The following EPHA3 variants were observed in gnomAD, a reference collection of about 807,000 sequenced individuals.
EPHA3 encodes the protein ephrin type-A receptor 3.
A neutral mutation model predicts 107.1 loss-of-function variants in EPHA3; 42 were observed. The ratio of observed to expected loss-of-function variants is 0.39; its 90% CI spans 0.31 to 0.51. The LOEUF is 0.51. EPHA3 is among the 20% of genes least tolerant of loss of function. The pLI is 0.78. For synonymous variants in EPHA3, 461 were observed against 424.8 expected, an observed-to-expected ratio of 1.09 and a Z score of -1.05; for missense variants, 1,183 against 1,211.2, an observed-to-expected ratio of 0.98 and a Z score of 0.35.
chr3:89,369,227 T>A (rs1708244287), intron 5 of EPHA3, among the ~76,000 whole-genome samples: 1 of 150,936 alleles, frequency 6.6e-6, no homozygotes, highest in Non-Finnish European at 1.5e-5. Flanking sequence ...GCTGGAGCCA[T>A]CAGGCTACCT....
intron 3 of EPHA3, among the ~76,000 whole-genome samples, chr3:89,302,562 T>C (rs765057472): frequency 7.2e-5 from 11 of 152,096 alleles, no homozygotes; most frequent in Non-Finnish European, 1.3e-4. Context: ...GTGAAAGATA[T>C]TGTATGTGAA....
At chr3:89,453,820 A>G (rs990179645) in intron 15 of EPHA3, among the ~76,000 whole-genome samples, 2 of 152,146 alleles carry the variant, frequency 1.3e-5, no homozygotes, top group Non-Finnish European at 2.9e-5. Flanking sequence ...TTAGATGGGA[A>G]CTTCCCACAG....
At chr3:89,366,010 G>T (rs1388524301) in intron 5 of EPHA3, among the ~76,000 whole-genome samples, 1 of 150,550 alleles carries the variant, frequency 6.6e-6, no homozygotes, top group Non-Finnish European at 1.5e-5. Context: ...AATAAATGAA[G>T]ATGCAAGGAA....
At chr3:89,231,520 C>G (rs1287697931) in intron 3 of EPHA3, among the ~76,000 whole-genome samples, 1 of 152,070 alleles carries the variant, frequency 6.6e-6, no homozygotes, top group Non-Finnish European at 1.5e-5. Context: ...TGTCACTGCT[C>G]TTGTGTGTGT....
intron 1 of EPHA3, among the ~76,000 whole-genome samples, chr3:89,119,717 A>G (rs1276852935): frequency 1.6e-4 from 24 of 152,136 alleles, no homozygotes; most frequent in Non-Finnish European, 3.1e-4. Context: ...AAGGAAACCA[A>G]TTTATTCTAC....
chr3:89,311,593 C>T (rs892593250), intron 3 of EPHA3, among the ~76,000 whole-genome samples: 1 of 152,020 alleles, frequency 6.6e-6, no homozygotes, highest in Non-Finnish European at 1.5e-5. Context: ...GTTTAACATT[C>T]TCTCCAGTGC....
chr3:89,122,167 CA>C (rs1453818312), intron 1 of EPHA3, among the ~76,000 whole-genome samples: 1 of 152,090 alleles, frequency 6.6e-6, no homozygotes, highest in African/African-American at 2.4e-5. Context: ...CTTATTATAA[CA>C]GAAAGTGGTG....
At chr3:89,267,754 A>C (rs1321237017) in intron 3 of EPHA3, among the ~76,000 whole-genome samples, 1 of 152,148 alleles carries the variant, frequency 6.6e-6, no homozygotes, top group Non-Finnish European at 1.5e-5. Context: ...TTTAATCAAA[A>C]ATTTTAAAAC....
chr3:89,355,820 A>G (rs1343525991), intron 5 of EPHA3, among the ~76,000 whole-genome samples: 1 of 148,612 alleles, frequency 6.7e-6, no homozygotes, highest in Non-Finnish European at 1.5e-5. Flanking sequence ...GTGAATAAAT[A>G]TATATATATT....
chr3:89,455,262 G>A (rs1710073337), intron 15 of EPHA3, among the ~76,000 whole-genome samples: 1 of 152,156 alleles, frequency 6.6e-6, no homozygotes, highest in Non-Finnish European at 1.5e-5. Flanking sequence ...AGAGTCTGAG[G>A]AGCTGATGTT....
intron 3 of EPHA3, among the ~76,000 whole-genome samples, chr3:89,232,214 C>T (rs930601793): frequency 1.3e-5 from 2 of 151,958 alleles, no homozygotes; most frequent in African/African-American, 2.4e-5. Flanking sequence ...TAAAAAATTC[C>T]TTAAGGAATT....
intron 2 of EPHA3, among the ~76,000 whole-genome samples, chr3:89,169,142 T>A (rs1355767499): frequency 6.6e-6 from 1 of 152,184 alleles, no homozygotes; most frequent in Non-Finnish European, 1.5e-5. Context: ...AGAATTAGAC[T>A]TATTTTTTCT....
chr3:89,185,408 T>C (rs1355149748), intron 2 of EPHA3, among the ~76,000 whole-genome samples: 1 of 152,042 alleles, frequency 6.6e-6, no homozygotes, highest in East Asian at 1.9e-4. Context: ...GGAAATTATA[T>C]TTGATATATT....
At chr3:89,400,652 T>C (rs1292039549) in intron 7 of EPHA3, among the ~76,000 whole-genome samples, 1 of 152,028 alleles carries the variant, frequency 6.6e-6, no homozygotes, top group Non-Finnish European at 1.5e-5. Flanking sequence ...TGTGTGTGTG[T>C]GTGTGTGTTT....
At chr3:89,409,577 C>T (rs943784004) in intron 9 of EPHA3, among the ~76,000 whole-genome samples, 32 of 152,054 alleles carry the variant, frequency 2.1e-4, no homozygotes, top group African/African-American at 7.7e-4. Flanking sequence ...TTTGTTGAAA[C>T]TTTAATTTTT....
intron 2 of EPHA3, among the ~76,000 whole-genome samples, chr3:89,149,163 G>C (rs1013566431): frequency 1.3e-5 from 2 of 151,916 alleles, no homozygotes; most frequent in African/African-American, 4.8e-5. Context: ...TAGAGTGCTG[G>C]TTTCTACCTG....
At chr3:89,449,133 T>C (rs1709936625) in intron 13 of EPHA3, 92 bp from the exon 14 acceptor site, 1 of 1,232,848 alleles carries the variant, frequency 8.1e-7, no homozygotes, top group Non-Finnish European at 1.1e-6. Flanking sequence ...ACAGAAATAC[T>C]ATGAGAAATT....
intron 3 of EPHA3, among the ~76,000 whole-genome samples, chr3:89,262,088 T>C (rs1363103395): frequency 6.6e-6 from 1 of 152,082 alleles, no homozygotes; most frequent in Non-Finnish European, 1.5e-5. Context: ...CCAAATAATA[T>C]TATAACTACT....
At chr3:89,315,805 G>A (rs559682275) in intron 3 of EPHA3, among the ~76,000 whole-genome samples, 1 of 151,642 alleles carries the variant, frequency 6.6e-6, no homozygotes, top group Non-Finnish European at 1.5e-5. Flanking sequence ...TTCAGAAAAG[G>A]GATTTATTCT....
Sources: allele counts gnomAD v4.1 joint callset (sites outside exome capture counted in the v4.1 genomes callset), GRCh38; gene constraint gnomAD v4.1.1; transcripts MANE v1.5; gene names NCBI Gene and HGNC (gene_info 2026-07-23, HGNC 2026-07-21).